LMO2: variants seen among roughly 807,000 people sequenced by gnomAD.
LMO2 encodes LIM domain only 2.
LMO2 carries 20 observed loss-of-function variants against 23.2 expected under a neutral mutation model. That is an observed-to-expected ratio of 0.86 (90% CI 0.61 to 1.25). The LOEUF (loss-of-function observed/expected upper bound fraction) is 1.25. LMO2 is among the 50% of genes most tolerant of loss of function. LMO2 has a pLI of 0.00. For synonymous variants in LMO2, 123 were observed against 130.2 expected (o/e 0.94, Z 0.38); for missense variants, 270 against 315.3 (o/e 0.86, Z 1.09).
chr11:33,875,936 A>G (rs919396456), intron 2 of LMO2, among the ~76,000 whole-genome samples: 1 of 152,182 alleles, frequency 6.6e-6, no homozygotes, highest in Non-Finnish European at 1.5e-5. Flanking sequence ...GGAAGGCCCT[A>G]TTATCTGGCC....
intron 2 of LMO2, among the ~76,000 whole-genome samples, chr11:33,877,490 T>C (rs1857163693): frequency 8.4e-6 from 1 of 118,890 alleles, no homozygotes; most frequent in Non-Finnish European, 1.6e-5. Flanking sequence ...TTTGAGACAG[T>C]GTCTCACTCT....
intron 2 of LMO2, chr11:33,870,556 C>T (rs1455462004): frequency 4.1e-6 from 4 of 985,560 alleles, no homozygotes; most frequent in African/African-American, 1.7e-5. Flanking sequence ...CGGGACTGCA[C>T]GGGCTGGGGA....
intron 1 of LMO2, among the ~76,000 whole-genome samples, chr11:33,884,194 G>A (rs970471255): frequency 6.6e-6 from 1 of 152,170 alleles, no homozygotes; most frequent in African/African-American, 2.4e-5. Flanking sequence ...GACTTCTGGG[G>A]AGGAGAAAGA....
Position 33,887,856 on chromosome 11 carries a change from G to A in LMO2, c.-336+3939C>T, listed in dbSNP as rs531826285. On this transcript the variant is annotated intron_variant, in intron 1 of 5. Transcript: ENST00000257818. ...CCCAAAGTGATGGGATTACAGGTGT[G>A]AGCCACTGCACCTAGCCAAGAATGT... Among the ~76,000 whole-genome samples the A allele has an allele frequency of 5.3e-5, 8 of 152,244 alleles. No homozygotes were observed. The South Asian group carries it at 1.5e-3, about 28-fold the overall frequency.
chr11:33,859,507 C>T lies in LMO2; in HGVS notation c.533G>A (p.Arg178Gln), dbSNP rs1032824691. The T allele has an allele frequency of 3.1e-6, 5 of 1,614,044 alleles. No individual in the cohort carries two copies. The highest frequency in any genetic ancestry group is 3.4e-6 in the Non-Finnish European group (4 of 1,180,004). Residue 178 changes from arginine (R) to glutamine (Q), a missense_variant, in exon 6 of 6, where the codon CGG (arginine) becomes CAG (glutamine). Physicochemically the swap from Arg to Gln is conservative, Grantham distance 43 (BLOSUM62 1). Around this residue, in one of 2 missense-constraint regions of LMO2, gnomAD observed 100 missense variants for 153.3 expected, o/e 0.65. Coordinates refer to ENST00000257818, the MANE Select transcript of LMO2 (RefSeq NM_005574.4). ...KRIRAYEMTM[R>Q]VKDKVYHLEC... ...CAGGTGATACACTTTGTCTTTCACCCGCATTGTCATCTCATAGGCACGAAT... is the reference window on the plus strand; with the variant it reads ...CAGGTGATACACTTTGTCTTTCACCTGCATTGTCATCTCATAGGCACGAAT...
chr11:33,858,992 G>A lies in LMO2; in HGVS notation c.*364C>T, dbSNP rs888987623. 4 of 271,652 alleles carry A rather than the reference G, an allele frequency of 1.5e-5. No homozygotes were observed. Among genetic ancestry groups the A allele is most frequent in the Middle Eastern group, 1.1e-3 (1 of 902 alleles). 16.8% of individuals were successfully genotyped at this position (271,652 alleles called of 1,614,324 possible). ...AATTGCACATCTCTAGTTCGCAAGCGTCAAAGTCACAACAAGTCTGTACAC... is the reference window on the plus strand; with the variant it reads ...AATTGCACATCTCTAGTTCGCAAGCATCAAAGTCACAACAAGTCTGTACAC... On this transcript the variant is annotated 3_prime_UTR_variant, in exon 6 of 6. Transcript: ENST00000257818.
At chr11:33,888,092 G>A (rs1857456811) in intron 1 of LMO2, among the ~76,000 whole-genome samples, 1 of 152,232 alleles carries the variant, frequency 6.6e-6, no homozygotes, top group Non-Finnish European at 1.5e-5. Context: ...GACTGGCCAA[G>A]ACTTGTCTGC....
In LMO2 at chr11:33,880,300, T is replaced by TATCATAC. The variant is rs1857251026; in HGVS notation, c.-272+1523_-272+1524insGTATGAT. ...TGATATATATCATATATATCATATA[T>TATCATAC]ATACATATCATATATATACATGCAA... On this transcript the variant is annotated intron_variant, in intron 2 of 5. Coordinates refer to ENST00000257818, the MANE Select transcript of LMO2 (RefSeq NM_005574.4). The surrounding 1 kb of genome is among the most constrained non-coding windows in gnomAD (Gnocchi z 4.3). Among the ~76,000 whole-genome samples, 1 of 129,294 alleles carries TATCATAC rather than the reference T, an allele frequency of 7.7e-6. No homozygotes were observed. The highest frequency in any genetic ancestry group is 1.6e-5 in the Non-Finnish European group (1 of 63,680). The allele number at this position is 129,294 out of a possible 152,430, so 84.8% of individuals were successfully genotyped here.
intron 1 of LMO2, among the ~76,000 whole-genome samples, chr11:33,884,806 C>T (rs1857367416): frequency 6.6e-6 from 1 of 152,246 alleles, no homozygotes; most frequent in African/African-American, 2.4e-5. Context: ...AGAGCATATA[C>T]TCCTTCTGGG....
chr11:33,887,904 A>G (rs565265150), intron 1 of LMO2, among the ~76,000 whole-genome samples: 4 of 147,630 alleles, frequency 2.7e-5, no homozygotes, highest in African/African-American at 4.9e-5. Flanking sequence ...CCACTAGTCC[A>G]TGGAAGACTC....
At chr11:33,888,314 GGGGGAT>G (rs1857462988) in intron 1 of LMO2, among the ~76,000 whole-genome samples, 36 of 152,280 alleles carry the variant, frequency 2.4e-4, no homozygotes, top group Admixed American at 2.2e-3. Flanking sequence ...GCCACTGCCA[GGGGGAT>G]CCTTTCATAA....
At chr11:33,863,587 A>G (rs1285960784) in intron 5 of LMO2, among the ~76,000 whole-genome samples, 2 of 152,200 alleles carry the variant, frequency 1.3e-5, no homozygotes, top group African/African-American at 4.8e-5. Flanking sequence ...AGAAATACTG[A>G]CAGCTACACA....
At chr11:33,871,595 G>GTT (rs34492647) in intron 2 of LMO2, among the ~76,000 whole-genome samples, 102 of 131,812 alleles carry the variant, frequency 7.7e-4, no homozygotes, top group African/African-American at 2.9e-3. Flanking sequence ...AAAAAGTTGG[G>GTT]TTTTTTTTTT....
rs539864524 is a variant in LMO2, at chr11:33,864,256, T to C, written c.464+346A>G. 2.1e-4 allele frequency among the ~76,000 whole-genome samples: 32 copies of C among 152,128 alleles called. No individual in the cohort carries two copies. The highest frequency in any genetic ancestry group is 3.5e-4 in the Non-Finnish European group (24 of 68,020). Reference sequence around the variant, plus strand: ...CCTCCAAACTTAGAAACACTCCCAGTCCCTCTGATCCTCCGTGTGTACTCC... The same window carrying C: ...CCTCCAAACTTAGAAACACTCCCAGCCCCTCTGATCCTCCGTGTGTACTCC... On this transcript the variant is annotated intron_variant, in intron 5 of 5. Transcript: ENST00000257818. This position sits in a 1 kb window ranked among gnomAD's most constrained non-coding sequence, Gnocchi z 4.8.
chr11:33,885,572 A>T (rs1221360539), intron 1 of LMO2, among the ~76,000 whole-genome samples: 1 of 152,246 alleles, frequency 6.6e-6, no homozygotes, highest in East Asian at 1.9e-4. Flanking sequence ...AGCCTTAGGC[A>T]GTAGAATTGC....
intron 1 of LMO2, among the ~76,000 whole-genome samples, chr11:33,885,125 G>A (rs964435082): frequency 6.6e-6 from 1 of 152,164 alleles, no homozygotes; most frequent in Non-Finnish European, 1.5e-5. Flanking sequence ...TGTGAAGGGG[G>A]TTGTCAGACT....
chr11:33,877,558 G>T lies in LMO2; in HGVS notation c.-272+4266C>A, dbSNP rs188580896. Among the ~76,000 whole-genome samples the T allele has an allele frequency of 2.4e-3, 331 of 139,950 alleles. 1 individual carries two copies. Among genetic ancestry groups the T allele is most frequent in the Non-Finnish European group, 2.8e-3 (187 of 66,614 alleles). The allele number at this position is 139,950 out of a possible 152,430, so 91.8% of individuals were successfully genotyped here. On this transcript the variant is annotated intron_variant, in intron 2 of 5. Coordinates refer to ENST00000257818, the MANE Select transcript of LMO2 (RefSeq NM_005574.4). ...CAGCTCACTGCAACCTCTGCCTCCC[G>T]GTTTCAAGTGATTCTCCTGTCTCAG...
At chr11:33,862,686 T>G (rs1856628148) in intron 5 of LMO2, among the ~76,000 whole-genome samples, 1 of 152,182 alleles carries the variant, frequency 6.6e-6, no homozygotes, top group Non-Finnish European at 1.5e-5. Flanking sequence ...CTGCCAGATA[T>G]ACTAAGAATG....
chr11:33,859,823 G>A (rs529704868), intron 5 of LMO2, among the ~76,000 whole-genome samples: 2 of 152,082 alleles, frequency 1.3e-5, no homozygotes, highest in Admixed American at 6.5e-5. Context: ...TGCAGCAACC[G>A]CTCATCATTC....
Sources: allele counts gnomAD v4.1 joint callset (sites outside exome capture counted in the v4.1 genomes callset), GRCh38; gene constraint gnomAD v4.1.1; regional missense constraint gnomAD v4.1.1; non-coding constraint Gnocchi (gnomAD v3.1); transcripts MANE v1.5; gene names NCBI Gene and HGNC (gene_info 2026-07-23, HGNC 2026-07-21).